Variants in ANGPTL4 observed in about 807,000 individuals in gnomAD.
ANGPTL4 encodes angiopoietin-related protein 4.
ANGPTL4 carries 39 observed loss-of-function variants against 39.2 expected under a neutral mutation model. The observed-to-expected ratio is 1.00, with a 90% CI of 0.77 to 1.30. The LOEUF is 1.30. Ranked by LOEUF, ANGPTL4 falls within the 50% of genes most tolerant of loss-of-function variation. The probability of loss-of-function intolerance (pLI) is 0.00; values close to 1 mark genes in which losing one functional copy is unlikely to be tolerated. For synonymous variants in ANGPTL4, 233 were observed against 229.5 expected (o/e 1.02, Z -0.14); for missense variants, 545 against 549.8 (o/e 0.99, Z 0.09).
rs754161866 is a variant in ANGPTL4, at chr19:8,373,882, C to T, written c.1217C>T (p.Ser406Phe). The T allele has an allele frequency of 6.2e-7, 1 of 1,613,236 alleles. No individual in the cohort carries two copies. Among genetic ancestry groups the T allele is most frequent in the South Asian group, 1.1e-5 (1 of 91,074 alleles). ...LIQPMAAEAAS is the reference protein window; with the variant it reads ...LIQPMAAEAAF ...CAGCCCATGGCAGCAGAGGCAGCCTCCTAGCGTCCTGGCTGGGCCTGGTCC... is the reference window on the plus strand; with the variant it reads ...CAGCCCATGGCAGCAGAGGCAGCCTTCTAGCGTCCTGGCTGGGCCTGGTCC... The change falls in exon 7 of 7, where the codon TCC becomes TTC. Residue 406 changes from serine (S) to phenylalanine (F), a missense_variant. Coordinates refer to ENST00000301455, the MANE Select transcript of ANGPTL4 (RefSeq NM_139314.3).
Position 8,371,027 on chromosome 19 carries a change from T to G in ANGPTL4, c.662-29T>G. ...GTGGGGTCGTCTGTGAAGAGGGACTTCCTGGTGACCTTGTACCTTTCTGGG... is the reference window on the plus strand; with the variant it reads ...GTGGGGTCGTCTGTGAAGAGGGACTGCCTGGTGACCTTGTACCTTTCTGGG... On this transcript the variant is annotated intron_variant, in intron 4 of 6. Coordinates refer to ENST00000301455, the MANE Select transcript of ANGPTL4 (RefSeq NM_139314.3). This position sits in a 1 kb window ranked among gnomAD's most constrained non-coding sequence, Gnocchi z 5.1. 6.4e-7 allele frequency: 1 copy of G among 1,562,822 alleles called. No homozygotes were observed. The highest frequency in any genetic ancestry group is 8.7e-7 in the Non-Finnish European group (1 of 1,152,890).
intron 3 of ANGPTL4, among the ~76,000 whole-genome samples, chr19:8,367,236 G>A (rs746949358): frequency 6.6e-6 from 1 of 151,002 alleles, no homozygotes; most frequent in Non-Finnish European, 1.5e-5. Context: ...GCATCTCAGC[G>A]TGGTCAGGGT....
At chr19:8,367,302 G>A (rs1057278966) in intron 3 of ANGPTL4, among the ~76,000 whole-genome samples, 6 of 152,234 alleles carry the variant, frequency 3.9e-5, no homozygotes, top group African/African-American at 1.2e-4. Context: ...GGAGGGTGAC[G>A]GGGGAAGGCA....
At chr19:8,367,990 C>A (rs1275482655) in intron 3 of ANGPTL4, among the ~76,000 whole-genome samples, 1 of 151,276 alleles carries the variant, frequency 6.6e-6, no homozygotes, top group East Asian at 1.9e-4. Context: ...CCTACCGCCA[C>A]CACGCCCAGC....
intron 4 of ANGPTL4, among the ~76,000 whole-genome samples, 185 bp from the exon 5 acceptor site, chr19:8,370,871 G>A (rs905220324): frequency 5.9e-5 from 9 of 152,092 alleles, no homozygotes; most frequent in African/African-American, 2.2e-4. Flanking sequence ...TTGGGACAAA[G>A]ATCTTCCCAA....
intron 6 of ANGPTL4, among the ~76,000 whole-genome samples, chr19:8,372,143 G>A (rs1213532483): frequency 2.7e-5 from 4 of 150,894 alleles, no homozygotes; most frequent in African/African-American, 4.9e-5. Context: ...TGCAGCCTCC[G>A]CCTCCTGGGT....
chr19:8,366,361 C>T (rs1172162393), intron 3 of ANGPTL4, 42 bp downstream of exon 3: 2 of 1,589,436 alleles, frequency 1.3e-6, no homozygotes, highest in Non-Finnish European at 1.7e-6. Context: ...GCCACCCCTA[C>T]CCCGCCACTT....
Position 8,364,309 on chromosome 19 carries a change from G to C in ANGPTL4, c.-13G>C. The C allele has an allele frequency of 6.5e-7, 1 of 1,537,710 alleles. No homozygotes were observed. ...AGAGTCCCCGAATCCCCGCTCCCAG[G>C]CTACCTAAGAGGATGAGCGGTGCTC... On this transcript the variant is annotated 5_prime_UTR_variant, in exon 1 of 7. Coordinates refer to ENST00000301455, the MANE Select transcript of ANGPTL4 (RefSeq NM_139314.3).
At chr19:8,372,392 CTT>C (rs34408253) in intron 6 of ANGPTL4, among the ~76,000 whole-genome samples, 17 of 110,286 alleles carry the variant, frequency 1.5e-4, no homozygotes, top group Non-Finnish European at 1.5e-4. Flanking sequence ...CCACAGGATT[CTT>C]TTTTTTTTTT....
rs754028435 is a variant in ANGPTL4 at position 8,371,055 on chromosome 19, G to T, written c.662-1G>T. 1 of 1,588,904 alleles carries T rather than the reference G, an allele frequency of 6.3e-7. No individual in the cohort carries two copies. Among genetic ancestry groups the T allele is most frequent in the Admixed American group, 1.8e-5 (1 of 55,318 alleles). ...TGGTGACCTTGTACCTTTCTGGGCA[G>T]ATGGAGGCTGGACAGTAATTCAGAG... On this transcript the variant is annotated splice_acceptor_variant, in intron 4 of 6. Coordinates refer to ENST00000301455, the MANE Select transcript of ANGPTL4 (RefSeq NM_139314.3). LOFTEE classifies it high-confidence loss of function. The surrounding 1 kb of genome is among the most constrained non-coding windows in gnomAD (Gnocchi z 5.1).
rs765085157 is a variant in ANGPTL4, at chr19:8,369,170, C to G, written c.548-49C>G. On this transcript the variant is annotated intron_variant, in intron 3 of 6. Coordinates refer to ENST00000301455, the MANE Select transcript of ANGPTL4 (RefSeq NM_139314.3). ...AGATATGCCTGGCTCCTGAGACCCCCCCCAGGGGCTGCCCTCCTGTTTCAA... is the reference window on the plus strand; with the variant it reads ...AGATATGCCTGGCTCCTGAGACCCCGCCCAGGGGCTGCCCTCCTGTTTCAA... The G allele has an allele frequency of 4.6e-6, 7 of 1,514,720 alleles. No homozygotes were observed. The African/African-American group carries it at 8.2e-5, about 18-fold the overall frequency. 93.8% of individuals were successfully genotyped at this position (1,514,720 alleles called of 1,614,324 possible).
rs148773347 is a variant in ANGPTL4, at chr19:8,366,403, C to T, written c.547+84C>T. The T allele has an allele frequency of 3.8e-5, 54 of 1,436,630 alleles. No individual in the cohort carries two copies. In the African/African-American group the frequency reaches 5.8e-4, roughly 15 times the overall value. 89.0% of individuals were successfully genotyped at this position (1,436,630 alleles called of 1,614,324 possible). ...GCTGGTCCTCTCCTTGTCAGGTCCA[C>T]CTTAAGGAGAAGATGTCCTGGCCTG... On this transcript the variant is annotated intron_variant, in intron 3 of 6. Transcript: ENST00000301455.
intron 2 of ANGPTL4, 68 bp from the exon 3 acceptor site, chr19:8,366,134 G>A: frequency 1.2e-6 from 2 of 1,609,000 alleles, no homozygotes; most frequent in Non-Finnish European, 1.7e-6. Context: ...GAGGTGGTGA[G>A]AACTGGACGT....
At position 8,364,345 on chromosome 19, in the gene ANGPTL4, G is replaced by A. The variant is rs1262316074; in HGVS notation, c.24G>A (p.Gly8=). 8 of 1,547,856 alleles carry A rather than the reference G, an allele frequency of 5.2e-6. No individual in the cohort carries two copies. Among genetic ancestry groups the A allele is most frequent in the Non-Finnish European group, 5.2e-6 (6 of 1,151,274 alleles). MSGAPTA[G]AALMLCAATA... ...GGATGAGCGGTGCTCCGACGGCCGG[G>A]GCAGCCCTGATGCTCTGCGCCGCCA... is the stretch of plus-strand genomic sequence containing the variant. The change falls in exon 1 of 7, where the codon GGG becomes GGA. Residue 8 remains glycine, a synonymous_variant. Coordinates refer to ENST00000301455, the MANE Select transcript of ANGPTL4 (RefSeq NM_139314.3).
intron 4 of ANGPTL4, among the ~76,000 whole-genome samples, 190 bp downstream of exon 4, chr19:8,369,522 C>T (rs1363892444): frequency 7.3e-6 from 1 of 136,202 alleles, no homozygotes; most frequent in Non-Finnish European, 1.5e-5. Flanking sequence ...GCCACGATCT[C>T]AGCTCACTGA....
chr19:8,365,409 C>T (rs548020198), intron 1 of ANGPTL4, among the ~76,000 whole-genome samples: 32 of 152,090 alleles, frequency 2.1e-4, no homozygotes, highest in African/African-American at 7.0e-4. Context: ...ACCCGGGAGG[C>T]GGAGGTTGCA....
intron 3 of ANGPTL4, 22 bp downstream of exon 3, chr19:8,366,341 C>T (rs781261070): frequency 5.6e-6 from 9 of 1,609,496 alleles, no homozygotes; most frequent in Non-Finnish European, 7.6e-6. Context: ...CCCCTCGATG[C>T]TCTCCGGTGG....
At chr19:8,367,316 G>A (rs2145474411) in intron 3 of ANGPTL4, among the ~76,000 whole-genome samples, 1 of 152,318 alleles carries the variant, frequency 6.6e-6, no homozygotes, top group Non-Finnish European at 1.5e-5. Flanking sequence ...GAAGGCACAA[G>A]TCCTGGCTGG....
rs77938377 is a variant in ANGPTL4 at position 8,369,239 on chromosome 19, G to C, written c.568G>C (p.Glu190Gln). The C allele has an allele frequency of 3.5e-3, 5,689 of 1,611,538 alleles. 35 individuals are homozygous for C. Among genetic ancestry groups the C allele is most frequent in the Middle Eastern group, 0.021 (106 of 5,082 alleles). The change falls in exon 4 of 7, where the codon GAG becomes CAG. Residue 190 changes from glutamate (E) to glutamine (Q), a missense_variant. Coordinates refer to ENST00000301455, the MANE Select transcript of ANGPTL4 (RefSeq NM_139314.3). ...TTCAGGGCTGCCCAGGGATTGCCAG[G>C]AGCTGTTCCAGGTTGGGGAGAGGCA... is the stretch of plus-strand genomic sequence containing the variant. ...RLHRLPRDCQ[E>Q]LFQVGERQSG...
Sources: gnomAD v4.1 joint callset for allele counts (sites outside exome capture counted in the v4.1 genomes callset) on GRCh38, gnomAD v4.1.1 for gene constraint, Gnocchi (gnomAD v3.1) non-coding constraint, MANE v1.5 for transcripts, NCBI Gene and HGNC (gene_info 2026-07-23, HGNC 2026-07-21) for gene names.